PRKCA: variants seen among roughly 807,000 people sequenced by gnomAD.
PRKCA encodes the protein protein kinase C alpha type.
In PRKCA, 27 loss-of-function variants were observed where a neutral mutation model predicts 87.0. The observed-to-expected ratio is 0.31, with a 90% confidence interval of 0.23 to 0.43. The LOEUF (loss-of-function observed/expected upper bound fraction) is 0.43, where lower values mean the gene tolerates loss of function less well. Among genes scored for constraint, PRKCA ranks in the 20% least tolerant of loss-of-function variants. The pLI is 1.00. For missense variants in PRKCA, 518 were observed against 852.3 expected (o/e 0.61, Z 4.88); for synonymous variants, 329 against 311.1 (o/e 1.06, Z -0.61).
intron 5 of PRKCA, among the ~76,000 whole-genome samples, chr17:66,673,561 CATT>C (rs1438905950): frequency 6.6e-6 from 1 of 152,106 alleles, no homozygotes; most frequent in Non-Finnish European, 1.5e-5. Context: ...ATTTAGGGGT[CATT>C]ATTTCTAAAC....
Position 66,715,564 on chromosome 17 carries a change from G to C in PRKCA, c.919-17124G>C, listed in dbSNP as rs1217666371. Among the ~76,000 whole-genome samples the C allele has an allele frequency of 2.0e-5, 3 of 152,204 alleles. No homozygotes were observed. The East Asian group carries it at 5.8e-4, about 29-fold the overall frequency. On this transcript the variant is annotated intron_variant, in intron 8 of 16. Coordinates refer to ENST00000413366, the MANE Select transcript of PRKCA (RefSeq NM_002737.3). Reference sequence around the variant, plus strand: ...GGTTTGGAAAGATTCGGGAGACACAGAAAGGCCTACAACTGTTTGGATCTT... The same window carrying C: ...GGTTTGGAAAGATTCGGGAGACACACAAAGGCCTACAACTGTTTGGATCTT...
intron 2 of PRKCA, among the ~76,000 whole-genome samples, chr17:66,361,860 GACTTGGCTCAGTTTCC>G (rs2143482631): frequency 6.6e-6 from 1 of 152,252 alleles, no homozygotes; most frequent in Non-Finnish European, 1.5e-5. Context: ...ATCTAAGTGG[GACTTGGCTCAGTTTCC>G]ACAAAGCCCC....
At chr17:66,316,169 G>C (rs1905306355) in intron 2 of PRKCA, among the ~76,000 whole-genome samples, 1 of 152,188 alleles carries the variant, frequency 6.6e-6, no homozygotes, top group African/African-American at 2.4e-5. Flanking sequence ...GTAGTAGACT[G>C]AGAGAGCCCA....
At chr17:66,493,348 C>G (rs1348813864) in intron 2 of PRKCA, among the ~76,000 whole-genome samples, 1 of 149,276 alleles carries the variant, frequency 6.7e-6, no homozygotes, top group Non-Finnish European at 1.5e-5. Flanking sequence ...GTCATATACC[C>G]ATTTTCCTGT....
chr17:66,428,094 C>G (rs529969840), intron 2 of PRKCA, among the ~76,000 whole-genome samples: 1 of 152,066 alleles, frequency 6.6e-6, no homozygotes, highest in African/African-American at 2.4e-5. Context: ...TTTTTCTCAT[C>G]GTAAATGGTG....
chr17:66,480,781 T>TAA (rs34400938), intron 2 of PRKCA, among the ~76,000 whole-genome samples: 4 of 146,970 alleles, frequency 2.7e-5, no homozygotes, highest in Admixed American at 6.8e-5. Flanking sequence ...TTATATGGCT[T>TAA]AAAAAAAAAA....
At chr17:66,547,410 G>A (rs1035597063) in intron 3 of PRKCA, among the ~76,000 whole-genome samples, 3 of 152,006 alleles carry the variant, frequency 2.0e-5, no homozygotes, top group Admixed American at 2.0e-4. Context: ...CAAGGGGATA[G>A]GAACCTTGTG....
chr17:66,721,319 T>C, intron 8 of PRKCA, among the ~76,000 whole-genome samples: 1 of 147,860 alleles, frequency 6.8e-6, no homozygotes, highest in Non-Finnish European at 1.5e-5. Context: ...ATGGCGTGTA[T>C]CCGGAGGTGG....
intron 3 of PRKCA, among the ~76,000 whole-genome samples, chr17:66,570,227 G>T (rs1969036579): frequency 6.6e-6 from 1 of 152,194 alleles, no homozygotes; most frequent in Admixed American, 6.5e-5. Flanking sequence ...CTGGGGAGAA[G>T]AGTGACTAGA....
chr17:66,376,245 G>A (rs1239517423), intron 2 of PRKCA, among the ~76,000 whole-genome samples: 1 of 152,164 alleles, frequency 6.6e-6, no homozygotes, highest in Non-Finnish European at 1.5e-5. Context: ...GGCACAGTAG[G>A]AGAGGTTCAG....
chr17:66,714,590 G>A (rs1300560855), intron 8 of PRKCA, among the ~76,000 whole-genome samples: 3 of 152,180 alleles, frequency 2.0e-5, no homozygotes, highest in Admixed American at 6.5e-5. Context: ...GGCAGCAGGC[G>A]ATGGCTGTGG....
chr17:66,539,114 T>C (rs1472294972), intron 3 of PRKCA, among the ~76,000 whole-genome samples: 4 of 152,236 alleles, frequency 2.6e-5, no homozygotes, highest in Non-Finnish European at 5.9e-5. Context: ...ACATTTTTTA[T>C]TGGAGACTGA....
chr17:66,695,828 T>A (rs1972904914), intron 8 of PRKCA, among the ~76,000 whole-genome samples: 1 of 152,212 alleles, frequency 6.6e-6, no homozygotes, highest in African/African-American at 2.4e-5. Flanking sequence ...AAAAATGATG[T>A]CCCATTAGAA....
At chr17:66,347,339 G>C (rs1446732085) in intron 2 of PRKCA, among the ~76,000 whole-genome samples, 3 of 152,122 alleles carry the variant, frequency 2.0e-5, no homozygotes, top group African/African-American at 7.2e-5. Context: ...TGTTTTGGTT[G>C]AAGTGTATGT....
At chr17:66,613,810 CAG>C (rs750184010) in intron 3 of PRKCA, among the ~76,000 whole-genome samples, 12 of 76,218 alleles carry the variant, frequency 1.6e-4, no homozygotes, top group Non-Finnish European at 2.7e-4. Flanking sequence ...TTTTTTGAGA[CAG>C]AGTCTTGCTC....
intron 2 of PRKCA, among the ~76,000 whole-genome samples, chr17:66,325,296 T>C (rs1181081645): frequency 6.6e-6 from 1 of 152,258 alleles, no homozygotes; most frequent in Non-Finnish European, 1.5e-5. Flanking sequence ...TGTAAAATGT[T>C]AAATTTTTCT....
At chr17:66,597,658 C>T (rs1206190544) in intron 3 of PRKCA, among the ~76,000 whole-genome samples, 4 of 4,852 alleles carry the variant, frequency 8.2e-4, no homozygotes, top group Non-Finnish European at 6.3e-4. Context: ...TCCTTGCCCA[C>T]GCCTATGTCC....
At chr17:66,684,077 C>G (rs1461755207) in intron 5 of PRKCA, among the ~76,000 whole-genome samples, 4 of 152,200 alleles carry the variant, frequency 2.6e-5, no homozygotes, top group African/African-American at 7.2e-5. Context: ...TGAAACCATA[C>G]AGTTGAAACC....
chr17:66,448,322 T>C (rs1192991186), intron 2 of PRKCA, among the ~76,000 whole-genome samples: 1 of 152,138 alleles, frequency 6.6e-6, no homozygotes, highest in Admixed American at 6.5e-5. Flanking sequence ...TTAAAGGGAA[T>C]GATGAATTTT....
Sources: gnomAD v4.1 joint callset for allele counts (sites outside exome capture counted in the v4.1 genomes callset) on GRCh38, gnomAD v4.1.1 for gene constraint, MANE v1.5 for transcripts, NCBI Gene and HGNC (gene_info 2026-07-23, HGNC 2026-07-21) for gene names.